The following PDE2A variants were observed in gnomAD, a reference collection of about 807,000 sequenced individuals.
PDE2A encodes phosphodiesterase 2A, also known as cGMP-dependent 3',5'-cyclic phosphodiesterase.
PDE2A carries 53 observed loss-of-function variants against 133.6 expected under a neutral mutation model. The observed-to-expected ratio is 0.40, with a 90% CI of 0.32 to 0.50. The LOEUF (loss-of-function observed/expected upper bound fraction) is 0.50. PDE2A is among the 20% of genes least tolerant of loss of function. The probability of loss-of-function intolerance (pLI) is 0.73; values close to 1 mark genes in which losing one functional copy is unlikely to be tolerated. For missense variants in PDE2A, 796 were observed against 1,232.4 expected, an observed-to-expected ratio of 0.65 and a Z score of 5.30; for synonymous variants, 491 against 490.2, an observed-to-expected ratio of 1.00 and a Z score of -0.02.
chr11:72,588,810 G>T lies in PDE2A; in HGVS notation c.1044C>A (p.Cys348Ter). The stretch of plus-strand genomic sequence containing the variant: ...AGTCTCCTTCTAGCTTGTTGAAGGC[G>T]CAGGCCAAGGCCACCACCTGGTCAG... ...RATDQVVALA[C>*]AFNKLEGDLF... Residue 348 changes from cysteine (C) to a stop codon, truncating the protein, a stop_gained, in exon 13 of 31, where the codon TGC becomes TGA. Coordinates refer to ENST00000334456, the MANE Select transcript of PDE2A (RefSeq NM_002599.5). LOFTEE classifies it high-confidence loss of function. 1 of 1,606,632 alleles carries T rather than the reference G, an allele frequency of 6.2e-7. No individual in the cohort carries two copies. The highest frequency in any genetic ancestry group is 8.5e-7 in the Non-Finnish European group (1 of 1,174,610).
At chr11:72,640,826 C>T (rs1255449394) in intron 2 of PDE2A, among the ~76,000 whole-genome samples, 3 of 152,132 alleles carry the variant, frequency 2.0e-5, no homozygotes, top group African/African-American at 7.2e-5. Flanking sequence ...GCCACATACA[C>T]ACAAGTTCTC....
chr11:72,583,043 T>C (rs891381885), intron 20 of PDE2A, among the ~76,000 whole-genome samples: 8 of 151,990 alleles, frequency 5.3e-5, no homozygotes, highest in African/African-American at 1.9e-4. Context: ...TGACCCAGGG[T>C]AGGGAATGGG....
intron 2 of PDE2A, among the ~76,000 whole-genome samples, chr11:72,616,156 C>T (rs1004952388): frequency 6.6e-6 from 1 of 152,214 alleles, no homozygotes; most frequent in Non-Finnish European, 1.5e-5. Flanking sequence ...AGAGAGTTTA[C>T]ATCCCTCAGG....
chr11:72,631,577 C>A (rs965640280), intron 2 of PDE2A, among the ~76,000 whole-genome samples: 7 of 152,172 alleles, frequency 4.6e-5, no homozygotes, highest in African/African-American at 1.4e-4. Flanking sequence ...GACAGACAAC[C>A]AAGGGGCTTC....
At chr11:72,667,130 C>T (rs887152392) in intron 1 of PDE2A, among the ~76,000 whole-genome samples, 1 of 152,128 alleles carries the variant, frequency 6.6e-6, no homozygotes, top group African/African-American at 2.4e-5. Flanking sequence ...AAAAAGGACA[C>T]TCACATGCTC....
intron 2 of PDE2A, among the ~76,000 whole-genome samples, chr11:72,629,330 C>T (rs1466922356): frequency 6.6e-6 from 1 of 152,214 alleles, no homozygotes; most frequent in Non-Finnish European, 1.5e-5. Context: ...ATACTCCTTC[C>T]CTCAGGGCAC....
At chr11:72,642,387 GC>G in intron 1 of PDE2A, 61 bp from the exon 2 acceptor site, 1 of 1,293,178 alleles carries the variant, frequency 7.7e-7, no homozygotes, top group Non-Finnish European at 9.9e-7. Flanking sequence ...GCTCGCAGCC[GC>G]CCGCCCGCCC....
In PDE2A at chr11:72,578,114, G is replaced by C. The variant is rs1855547854; in HGVS notation, c.2615+119C>G. On this transcript the variant is annotated intron_variant, in intron 30 of 30. Transcript: ENST00000334456. This position sits in a 1 kb window ranked among gnomAD's most constrained non-coding sequence, Gnocchi z 4.2. ...GGGAGACAGTTATGCCCAGAGGCAA[G>C]GGGATGAATCAGTTGGACCTGGGCC... The C allele has an allele frequency of 6.9e-6, 5 of 721,868 alleles. No homozygotes were observed. The East Asian group carries it at 1.2e-4, about 18-fold the overall frequency. 44.7% of individuals were successfully genotyped at this position (721,868 alleles called of 1,614,324 possible).
In PDE2A at chr11:72,578,233, T is replaced by C. The variant is rs1315005785; in HGVS notation, c.2615A>G (p.Lys872Arg). ...AGCTTGTCCCCATGAGCTCACTCAC[T>C]TGTAGATGGGCATTGCAATGTGCTC... ...FMEHIAMPIY[K>R]LLQDLFPKAA... The change falls in exon 30 of 31, where the codon AAG becomes AGG. Residue 872 changes from lysine to arginine, a missense_variant and splice_region_variant. Lys to Arg is a conservative substitution (Grantham distance 26, BLOSUM62 2). Coordinates refer to ENST00000334456, the MANE Select transcript of PDE2A (RefSeq NM_002599.5). This position sits in a 1 kb window ranked among gnomAD's most constrained non-coding sequence, Gnocchi z 4.2. The C allele has an allele frequency of 6.9e-6, 11 of 1,585,446 alleles. No homozygotes were observed. The highest frequency in any genetic ancestry group is 1.7e-5 in the Admixed American group (1 of 59,982).
chr11:72,667,097 C>T (rs535665815), intron 1 of PDE2A, among the ~76,000 whole-genome samples: 1 of 152,202 alleles, frequency 6.6e-6, no homozygotes, highest in East Asian at 1.9e-4. Flanking sequence ...GAGTGTGAGA[C>T]CCTGTCTCAA....
At chr11:72,606,704 C>A (rs1443236559) in intron 3 of PDE2A, among the ~76,000 whole-genome samples, 1 of 152,172 alleles carries the variant, frequency 6.6e-6, no homozygotes, top group Non-Finnish European at 1.5e-5. Flanking sequence ...TTCCAGCAGC[C>A]TGGGAGGGGC....
rs1302675336 is a variant in PDE2A at position 72,590,964 on chromosome 11, G to A, written c.549+333C>T. 2 of 359,620 alleles carry A rather than the reference G, an allele frequency of 5.6e-6. No homozygotes were observed. Among genetic ancestry groups the A allele is most frequent in the East Asian group, 9.8e-5 (2 of 20,468 alleles). 22.3% of individuals were successfully genotyped at this position (359,620 alleles called of 1,614,324 possible). A position where few individuals can be genotyped will look rare whatever the true frequency, so the allele number is the denominator to read the frequency against. Reference sequence around the variant, plus strand: ...TCATTATGTGGAGGGTTCTTTCTAAGTACAGATGCTCCTGGACTTAGGATA... The same window carrying A: ...TCATTATGTGGAGGGTTCTTTCTAAATACAGATGCTCCTGGACTTAGGATA... On this transcript the variant is annotated intron_variant, in intron 7 of 30. Coordinates refer to ENST00000334456, the MANE Select transcript of PDE2A (RefSeq NM_002599.5). The surrounding 1 kb of genome is among the most constrained non-coding windows in gnomAD (Gnocchi z 4.8).
At chr11:72,626,288 G>T (rs1858062025) in intron 2 of PDE2A, among the ~76,000 whole-genome samples, 1 of 152,254 alleles carries the variant, frequency 6.6e-6, no homozygotes, top group Non-Finnish European at 1.5e-5. Context: ...ACAGGCTAGA[G>T]TGGCAGCTGA....
At chr11:72,593,824 G>C (rs1487318629) in intron 6 of PDE2A, among the ~76,000 whole-genome samples, 1 of 152,236 alleles carries the variant, frequency 6.6e-6, no homozygotes, top group Non-Finnish European at 1.5e-5. Flanking sequence ...GTCGCCACTG[G>C]ACCCCAGCAT....
At chr11:72,612,643 GATGA>G (rs1418205068) in intron 2 of PDE2A, among the ~76,000 whole-genome samples, 2 of 146,334 alleles carry the variant, frequency 1.4e-5, no homozygotes, top group Admixed American at 6.8e-5. Flanking sequence ...TAGGTGGATA[GATGA>G]ATGGGTGCAG....
intron 1 of PDE2A, among the ~76,000 whole-genome samples, chr11:72,667,978 G>A (rs944105111): frequency 6.6e-6 from 1 of 152,174 alleles, no homozygotes; most frequent in African/African-American, 2.4e-5. Context: ...CACCAAGGAT[G>A]GGATTTAGAA....
chr11:72,599,683 A>T (rs1856650080), intron 4 of PDE2A, among the ~76,000 whole-genome samples: 1 of 152,188 alleles, frequency 6.6e-6, no homozygotes, highest in African/African-American at 2.4e-5. Flanking sequence ...AGCAAGAATA[A>T]GTGTTCTAGA....
At chr11:72,593,294 G>C (rs985000015) in intron 6 of PDE2A, among the ~76,000 whole-genome samples, 16 of 152,130 alleles carry the variant, frequency 1.1e-4, no homozygotes, top group African/African-American at 3.9e-4. Context: ...ACAGGAAATA[G>C]TTCACTTACC....
intron 2 of PDE2A, among the ~76,000 whole-genome samples, chr11:72,616,257 G>A (rs1857466006): frequency 2.0e-5 from 3 of 152,176 alleles, no homozygotes; most frequent in Admixed American, 2.0e-4. Context: ...TCCCCTCCAG[G>A]GAGAGTCTGT....
Sources: gnomAD v4.1 joint callset for allele counts (sites outside exome capture counted in the v4.1 genomes callset) on GRCh38, gnomAD v4.1.1 for gene constraint, Gnocchi (gnomAD v3.1) non-coding constraint, MANE v1.5 for transcripts, NCBI Gene and HGNC (gene_info 2026-07-23, HGNC 2026-07-21) for gene names.